SOX6: variants seen among roughly 807,000 people sequenced by gnomAD.
SOX6 encodes SRY-box transcription factor 6.
SOX6 carries 11 observed loss-of-function variants against 97.8 expected under a neutral mutation model. That is an observed-to-expected ratio of 0.11 (90% confidence interval 0.07 to 0.19). The LOEUF is 0.19. SOX6 is among the 10% of genes least tolerant of loss of function. The pLI is 1.00. For missense variants in SOX6, 810 were observed against 1,039.5 expected (o/e 0.78, Z 3.04); for synonymous variants, 360 against 371.4 (o/e 0.97, Z 0.35).
intron 3 of SOX6, among the ~76,000 whole-genome samples, chr11:16,307,696 G>T (rs191746096): frequency 6.6e-6 from 1 of 152,260 alleles, no homozygotes; most frequent in Admixed American, 6.5e-5. Context: ...ATAGGTTACT[G>T]TCATTCAAAA....
intron 4 of SOX6, among the ~76,000 whole-genome samples, chr11:16,587,365 A>T (rs116683040): frequency 0.012 from 1,838 of 152,302 alleles, 32 homozygotes; most frequent in African/African-American, 0.041. Flanking sequence ...TGTTGTGTAG[A>T]TTAAATAATA....
At chr11:16,716,483 A>G (rs748937565) in intron 2 of SOX6, among the ~76,000 whole-genome samples, 35 of 152,204 alleles carry the variant, frequency 2.3e-4, no homozygotes, top group Non-Finnish European at 4.3e-4. Context: ...TTTCATTTCA[A>G]TGGTTGTAAA....
rs1848325550 is a variant in SOX6, at chr11:16,605,619, C to T, written n.609+6462G>A. 6.6e-6 allele frequency among the ~76,000 whole-genome samples: 1 copy of T among 152,136 alleles called. No homozygotes were observed. The highest frequency in any genetic ancestry group is 3.4e-3 in the Middle Eastern group (1 of 294). On this transcript the variant is annotated intron_variant and non_coding_transcript_variant, in intron 4 of 5. Transcript: ENST00000524520. The surrounding 1 kb of genome is among the most constrained non-coding windows in gnomAD (Gnocchi z 5.3). ...TAGCGACCCGGGTTTTCTTCATGAA[C>T]TCCTCCGAGTAAACTTTATCCCGGC... is the stretch of plus-strand genomic sequence containing the variant.
intron 4 of SOX6, among the ~76,000 whole-genome samples, chr11:16,609,014 T>C (rs1483358590): frequency 1.3e-5 from 2 of 152,146 alleles, no homozygotes; most frequent in African/African-American, 4.8e-5. Flanking sequence ...TAAATAAAGA[T>C]TCCCTTTGAG....
chr11:16,568,116 T>C (rs952366518), intron 4 of SOX6, among the ~76,000 whole-genome samples: 16 of 152,098 alleles, frequency 1.1e-4, no homozygotes, highest in African/African-American at 3.9e-4. Flanking sequence ...GCTATGTGTA[T>C]AAGATATATA....
intron 13 of SOX6, among the ~76,000 whole-genome samples, chr11:16,007,388 T>C (rs1854586781): frequency 1.3e-5 from 2 of 152,110 alleles, no homozygotes; most frequent in South Asian, 2.1e-4. Context: ...ATGTGGGCCA[T>C]CATTGACTTA....
chr11:16,576,515 TA>T (rs1281108814), intron 4 of SOX6, among the ~76,000 whole-genome samples: 2 of 152,214 alleles, frequency 1.3e-5, no homozygotes, highest in African/African-American at 4.8e-5. Flanking sequence ...GTTGTCATTG[TA>T]ATAAGATATA....
chr11:16,514,052 A>C (rs1364874644), intron 4 of SOX6, among the ~76,000 whole-genome samples: 1 of 152,060 alleles, frequency 6.6e-6, no homozygotes, highest in East Asian at 1.9e-4. Context: ...GTCTCTACAA[A>C]AAAATTATTT....
chr11:16,249,464 A>G (rs1590062999), intron 3 of SOX6, among the ~76,000 whole-genome samples: 1 of 152,146 alleles, frequency 6.6e-6, no homozygotes, highest in Non-Finnish European at 1.5e-5. Flanking sequence ...TCACTATCAG[A>G]ATTTTGGTCA....
intron 4 of SOX6, among the ~76,000 whole-genome samples, chr11:16,578,544 T>C (rs962452313): frequency 1.2e-4 from 18 of 152,108 alleles, no homozygotes; most frequent in Admixed American, 6.5e-5. Flanking sequence ...CACTGTCAAG[T>C]TGCTGTAAGG....
chr11:16,266,704 T>A (rs1276378021), intron 3 of SOX6, among the ~76,000 whole-genome samples: 53 of 151,488 alleles, frequency 3.5e-4, no homozygotes, highest in Admixed American at 3.4e-3. Context: ...ACTATGAACA[T>A]CTCTTGAAGG....
intron 4 of SOX6, among the ~76,000 whole-genome samples, chr11:16,553,108 T>C (rs1589982750): frequency 6.6e-6 from 1 of 152,220 alleles, no homozygotes; most frequent in African/African-American, 2.4e-5. Flanking sequence ...TAAAACATTT[T>C]CTTTTTTTAT....
intron 2 of SOX6, among the ~76,000 whole-genome samples, chr11:16,339,995 C>T (rs1207855184): frequency 6.6e-6 from 1 of 152,062 alleles, no homozygotes; most frequent in Non-Finnish European, 1.5e-5. Context: ...TTTCAATCCT[C>T]TGCTTCTCAC....
chr11:16,418,201 A>G (rs1361209569), intron 1 of SOX6, among the ~76,000 whole-genome samples: 1 of 152,238 alleles, frequency 6.6e-6, no homozygotes, highest in Non-Finnish European at 1.5e-5. Context: ...ATTCAAACAT[A>G]GAGACCTTGA....
chr11:16,563,450 AAAAC>A (rs563154134), intron 4 of SOX6, among the ~76,000 whole-genome samples: 2 of 152,146 alleles, frequency 1.3e-5, no homozygotes, highest in East Asian at 1.9e-4. Context: ...GTCACTATTT[AAAAC>A]AAACAAACAA....
chr11:16,415,618 C>G (rs923546276), intron 1 of SOX6, among the ~76,000 whole-genome samples: 4 of 151,934 alleles, frequency 2.6e-5, no homozygotes, highest in African/African-American at 9.7e-5. Flanking sequence ...TGCTAATTAC[C>G]CTGATTTGAT....
chr11:16,553,513 G>A (rs1221734475), intron 4 of SOX6, among the ~76,000 whole-genome samples: 1 of 151,818 alleles, frequency 6.6e-6, no homozygotes, highest in Non-Finnish European at 1.5e-5. Context: ...TGGTGGAAGT[G>A]TCTTATGCTA....
intron 1 of SOX6, among the ~76,000 whole-genome samples, chr11:16,394,239 A>G (rs772454555): frequency 5.9e-5 from 9 of 152,006 alleles, no homozygotes; most frequent in Non-Finnish European, 8.8e-5. Context: ...TAAAATGCAG[A>G]TAAGTAAAAA....
At chr11:16,651,473 T>C (rs188765953) in intron 3 of SOX6, among the ~76,000 whole-genome samples, 2 of 152,038 alleles carry the variant, frequency 1.3e-5, no homozygotes, top group African/African-American at 4.8e-5. Flanking sequence ...TTTTGACAGA[T>C]GCAAGTCAAT....
Sources: gnomAD v4.1 joint callset for allele counts (sites outside exome capture counted in the v4.1 genomes callset) on GRCh38, gnomAD v4.1.1 for gene constraint, Gnocchi (gnomAD v3.1) non-coding constraint, MANE v1.5 for transcripts, NCBI Gene and HGNC (gene_info 2026-07-23, HGNC 2026-07-21) for gene names.